BRD10: variants seen among roughly 807,000 people sequenced by gnomAD.
The protein encoded by BRD10 is bromodomain containing 10.
At chr9:5,993,720 G>C in the BRD10 span, among the ~76,000 whole-genome samples, 2 of 152,272 alleles carry the variant, frequency 1.3e-5, no homozygotes, top group Admixed American at 1.3e-4. Flanking sequence ...CTGTCCTCCT[G>C]TCAGTCCCTC....
At chr9:5,962,321 A>C in the BRD10 span, among the ~76,000 whole-genome samples, 12 of 113,314 alleles carry the variant, frequency 1.1e-4, no homozygotes, top group Non-Finnish European at 1.5e-4. Flanking sequence ...AAATGGATAA[A>C]TTCCTCGACA....
the BRD10 span, chr9:5,968,700 T>C: frequency 8.4e-5 from 135 of 1,613,860 alleles, no homozygotes; most frequent in Middle Eastern, 4.9e-4. Flanking sequence ...CACTTCAATT[T>C]CTCCAATTTA....
the BRD10 span, among the ~76,000 whole-genome samples, chr9:5,900,695 T>G: frequency 6.6e-6 from 1 of 152,320 alleles, no homozygotes; most frequent in East Asian, 1.9e-4. Flanking sequence ...CTCTTAAAAT[T>G]TCTCCCTTGG....
the BRD10 span, chr9:6,007,999 G>A: frequency 7.1e-6 from 9 of 1,265,608 alleles, no homozygotes; most frequent in Admixed American, 4.3e-5. Flanking sequence ...CGAGGAGGGG[G>A]GAGAGAAGAG....
At chr9:5,944,866 C>T in the BRD10 span, 1 of 1,473,006 alleles carries the variant, frequency 6.8e-7, no homozygotes, top group African/African-American at 1.4e-5. Context: ...TGGATCAACA[C>T]CTACCGATTT....
chr9:5,984,170 G>A, the BRD10 span, among the ~76,000 whole-genome samples: 14 of 152,178 alleles, frequency 9.2e-5, no homozygotes, highest in African/African-American at 3.4e-4. Context: ...TATAAAGGCA[G>A]GCAGAATGTT....
chr9:5,997,613 C>T, the BRD10 span, among the ~76,000 whole-genome samples: 1 of 151,952 alleles, frequency 6.6e-6, no homozygotes, highest in Non-Finnish European at 1.5e-5. Flanking sequence ...CCAAATACAC[C>T]AATAATATAT....
the BRD10 span, among the ~76,000 whole-genome samples, chr9:5,996,341 C>T: frequency 6.6e-6 from 1 of 151,712 alleles, no homozygotes; most frequent in Non-Finnish European, 1.5e-5. Context: ...GTTTTTGAGA[C>T]AACGTCTTAC....
the BRD10 span, among the ~76,000 whole-genome samples, chr9:5,936,595 T>C: frequency 1.3e-5 from 2 of 152,188 alleles, no homozygotes; most frequent in East Asian, 3.8e-4. Context: ...CTTCAATATA[T>C]GATGTATAAT....
At chr9:6,004,801 T>C in the BRD10 span, among the ~76,000 whole-genome samples, 4 of 152,200 alleles carry the variant, frequency 2.6e-5, no homozygotes, top group Non-Finnish European at 4.4e-5. Flanking sequence ...TTTCAAACAG[T>C]TGTGACCTAT....
chr9:6,007,040 C>T, the BRD10 span, among the ~76,000 whole-genome samples: 2 of 152,244 alleles, frequency 1.3e-5, no homozygotes, highest in Non-Finnish European at 2.9e-5. Flanking sequence ...CCCTCCGGTC[C>T]CCGCCCAGCG....
chr9:5,977,269 A>C, the BRD10 span, among the ~76,000 whole-genome samples: 16 of 152,300 alleles, frequency 1.1e-4, no homozygotes, highest in African/African-American at 3.9e-4. Flanking sequence ...GCTGTTCCTC[A>C]TACACTGTAC....
the BRD10 span, among the ~76,000 whole-genome samples, chr9:5,908,124 G>A: frequency 1.3e-5 from 2 of 152,198 alleles, no homozygotes; most frequent in African/African-American, 4.8e-5. Context: ...CCATGGGCAA[G>A]CGAGTTAACC....
chr9:5,922,456 AC>A, the BRD10 span: 1 of 1,613,992 alleles, frequency 6.2e-7, no homozygotes, highest in Non-Finnish European at 8.5e-7. Context: ...GTCTAGCACT[AC>A]TTATATTTGA....
chr9:5,930,657 G>C, the BRD10 span, among the ~76,000 whole-genome samples: 2 of 151,938 alleles, frequency 1.3e-5, no homozygotes, highest in African/African-American at 4.8e-5. Context: ...TTAATGGTAT[G>C]ATGAATCAAA....
At chr9:5,951,093 C>A in the BRD10 span, among the ~76,000 whole-genome samples, 1 of 148,922 alleles carries the variant, frequency 6.7e-6, no homozygotes, top group African/African-American at 2.5e-5. Flanking sequence ...CCCCACCCTG[C>A]CACACATACA....
chr9:5,969,719 AT>A, the BRD10 span, among the ~76,000 whole-genome samples: 1 of 151,830 alleles, frequency 6.6e-6, no homozygotes, highest in African/African-American at 2.4e-5. Flanking sequence ...AACATTTTGT[AT>A]TTTTTAGTAG....
At chr9:5,906,999 G>A in the BRD10 span, 2 of 1,579,738 alleles carry the variant, frequency 1.3e-6, no homozygotes, top group East Asian at 2.3e-5. Flanking sequence ...TGAACCTGTG[G>A]TAGGTTAAGA....
chr9:5,962,233 C>T, the BRD10 span, among the ~76,000 whole-genome samples: 1 of 149,670 alleles, frequency 6.7e-6, no homozygotes. Context: ...GATATCACCA[C>T]CGATCCCACA....
Sources: gnomAD v4.1 joint callset for allele counts (sites outside exome capture counted in the v4.1 genomes callset) on GRCh38, gnomAD v4.1.1 for gene constraint, MANE v1.5 for transcripts, NCBI Gene and HGNC (gene_info 2026-07-23, HGNC 2026-07-21) for gene names.